The following VRK2 variants were observed in gnomAD, a reference collection of about 807,000 sequenced individuals.
VRK2 encodes the protein VRK serine/threonine kinase 2.
A neutral mutation model predicts 57.6 loss-of-function variants in VRK2; 60 were observed. The observed-to-expected ratio is 1.04, with a 90% CI of 0.85 to 1.29. The LOEUF is 1.29. VRK2 is among the 50% of genes most tolerant of loss of function. The probability of loss-of-function intolerance (pLI) is 0.00; values close to 1 mark genes in which losing one functional copy is unlikely to be tolerated. For missense variants in VRK2, 705 were observed against 588.1 expected, an observed-to-expected ratio of 1.20 and a Z score of -2.06; for synonymous variants, 231 against 199.2, an observed-to-expected ratio of 1.16 and a Z score of -1.35.
chr2:57,910,088 T>C (rs936332413), intron 1 of VRK2, among the ~76,000 whole-genome samples: 1 of 151,718 alleles, frequency 6.6e-6, no homozygotes, highest in African/African-American at 2.4e-5. Flanking sequence ...CCCATACTAC[T>C]TAAAACCATG....
At chr2:58,121,220 C>T (rs1420213665) in intron 7 of VRK2, among the ~76,000 whole-genome samples, 1 of 152,096 alleles carries the variant, frequency 6.6e-6, no homozygotes, top group East Asian at 1.9e-4. Flanking sequence ...TAGTAGGCAC[C>T]TCATAAAATT....
chr2:58,090,601 GT>G (rs1471156813), intron 7 of VRK2, among the ~76,000 whole-genome samples: 1 of 152,066 alleles, frequency 6.6e-6, no homozygotes, highest in African/African-American at 2.4e-5. Flanking sequence ...ATGGAAATTT[GT>G]TGCTAATGGA....
At chr2:58,141,964 G>A (rs1276716032) in intron 11 of VRK2, among the ~76,000 whole-genome samples, 3 of 151,746 alleles carry the variant, frequency 2.0e-5, no homozygotes, top group African/African-American at 4.8e-5. Context: ...ATCGTTTCTT[G>A]TTACTTTATA....
chr2:58,131,759 C>T (rs1679221331), intron 8 of VRK2, 49 bp from the exon 9 acceptor site: 1 of 1,510,290 alleles, frequency 6.6e-7, no homozygotes, highest in Non-Finnish European at 8.8e-7. Flanking sequence ...CTCCATTTCT[C>T]AAGGACTTGC....
intron 1 of VRK2, among the ~76,000 whole-genome samples, chr2:57,978,949 A>G (rs1672332692): frequency 6.6e-6 from 1 of 150,918 alleles, no homozygotes; most frequent in Non-Finnish European, 1.5e-5. Context: ...GATGGCTTCC[A>G]GTTTCATCTA....
At chr2:58,137,224 C>CTCATATATGATACATATATATCATAT (rs1553422542) in intron 10 of VRK2, among the ~76,000 whole-genome samples, 1 of 65,140 alleles carries the variant, frequency 1.5e-5, no homozygotes, top group African/African-American at 8.4e-5. Context: ...ACATATATAT[C>CTCATATATGATACATATATATCATAT]ATATGATACA....
At chr2:57,985,326 T>C (rs1055493803) in intron 1 of VRK2, among the ~76,000 whole-genome samples, 17 of 152,046 alleles carry the variant, frequency 1.1e-4, no homozygotes, top group Non-Finnish European at 1.9e-4. Context: ...ACTACAAATA[T>C]GTAAAAGATC....
rs541700141 is a variant in VRK2 at position 57,945,975 on chromosome 2, A to C, written c.-439+38136A>C. 7.2e-5 allele frequency among the ~76,000 whole-genome samples: 11 copies of C among 152,250 alleles called. No homozygotes were observed. The South Asian group carries it at 2.3e-3, about 32-fold the overall frequency. ...CAACTTAACCGGAGCAAAAGACCCA[A>C]AGGTCCACTACTGAATATCCAGATG... is the stretch of plus-strand genomic sequence containing the variant. On this transcript the variant is annotated intron_variant, in intron 1 of 15. Coordinates refer to the VRK2 transcript ENST00000417641.
intron 2 of VRK2, chr2:58,028,344 C>A (rs1673997542): frequency 6.6e-6 from 1 of 152,116 alleles, no homozygotes; most frequent in Non-Finnish European, 1.5e-5. Context: ...TGGCCATTTT[C>A]TTAATCCAGT....
chr2:58,115,811 T>C (rs1037026556), intron 7 of VRK2, among the ~76,000 whole-genome samples: 1 of 152,148 alleles, frequency 6.6e-6, no homozygotes, highest in Admixed American at 6.5e-5. Context: ...CCCAGGTAAT[T>C]TGCTGAGCCT....
At chr2:58,096,447 A>T (rs1673139907) in intron 7 of VRK2, among the ~76,000 whole-genome samples, 1 of 151,782 alleles carries the variant, frequency 6.6e-6, no homozygotes, top group Admixed American at 6.6e-5. Context: ...TCGATTCTTT[A>T]TCTCTATTTG....
intron 3 of VRK2, among the ~76,000 whole-genome samples, chr2:58,035,747 T>C (rs1362347878): frequency 6.6e-6 from 1 of 152,066 alleles, no homozygotes; most frequent in African/African-American, 2.4e-5. Flanking sequence ...AGCTCCATGA[T>C]GTATGAAAGG....
rs149855822 is a variant in VRK2, at chr2:57,933,561, G to A, written c.-439+25722G>A. ...TTGACCTCGTGATCCACCCACCTCG[G>A]CCTCCCAAAGTGCTGGGATTACAGG... On this transcript the variant is annotated intron_variant, in intron 1 of 15. Transcript: ENST00000417641. Among the ~76,000 whole-genome samples the A allele has an allele frequency of 7.0e-3, 1,063 of 151,458 alleles. 11 individuals are homozygous for A. Among genetic ancestry groups the A allele is most frequent in the African/African-American group, 0.024 (1,002 of 41,322 alleles).
Position 57,988,482 on chromosome 2 carries a change from G to C in VRK2, c.-438-37183G>C, listed in dbSNP as rs536421664. On this transcript the variant is annotated intron_variant, in intron 1 of 15. Transcript: ENST00000417641. ...TGTCTGTGAGGGTATTTCTGGAAGA[G>C]ATTAGCATTTGAATCAGTAGACTAA... is the stretch of plus-strand genomic sequence containing the variant. Among the ~76,000 whole-genome samples, 6 of 152,304 alleles carry C rather than the reference G, an allele frequency of 3.9e-5. No individual in the cohort carries two copies. In the East Asian group the frequency reaches 9.6e-4, roughly 24 times the overall value.
chr2:57,911,773 A>C (rs571100709), intron 1 of VRK2, among the ~76,000 whole-genome samples: 71 of 152,330 alleles, frequency 4.7e-4, no homozygotes, highest in Non-Finnish European at 8.1e-4. Context: ...TGAAATCTGA[A>C]AATCAGACCA....
intron 1 of VRK2, among the ~76,000 whole-genome samples, chr2:57,943,064 C>G (rs767166742): frequency 6.6e-6 from 1 of 152,168 alleles, no homozygotes; most frequent in Admixed American, 6.5e-5. Context: ...TTCAAGGACA[C>G]TTCACAGCTT....
At chr2:57,909,545 C>G (rs148897617) in intron 1 of VRK2, among the ~76,000 whole-genome samples, 43 of 152,026 alleles carry the variant, frequency 2.8e-4, no homozygotes, top group Middle Eastern at 3.4e-3. Context: ...CCACAGACTA[C>G]TAGGTAGCTC....
chr2:57,998,526 T>C (rs1572759799), intron 1 of VRK2, among the ~76,000 whole-genome samples: 1 of 152,202 alleles, frequency 6.6e-6, no homozygotes, highest in East Asian at 1.9e-4. Flanking sequence ...GCCTAAAACA[T>C]ATAGGTTATC....
intron 1 of VRK2, among the ~76,000 whole-genome samples, chr2:57,939,211 G>C (rs1316164463): frequency 6.6e-6 from 1 of 152,064 alleles, no homozygotes; most frequent in Non-Finnish European, 1.5e-5. Context: ...CTTTATTTAA[G>C]CCTCCATTTT....
Sources: allele counts gnomAD v4.1 joint callset (sites outside exome capture counted in the v4.1 genomes callset), GRCh38; gene constraint gnomAD v4.1.1; transcripts MANE v1.5; gene names NCBI Gene and HGNC (gene_info 2026-07-23, HGNC 2026-07-21).